Variants in XYLT1 observed in about 807,000 individuals in gnomAD.
XYLT1 encodes beta-D-xylosyltransferase 1.
XYLT1 carries 36 observed loss-of-function variants against 91.3 expected under a neutral mutation model. The observed-to-expected ratio is 0.39, with a 90% confidence interval of 0.30 to 0.52. The LOEUF is 0.52. Ranked by LOEUF, XYLT1 falls within the 20% of genes least tolerant of loss-of-function variation. The pLI is 0.68. For missense variants in XYLT1, 1,242 were observed against 1,284.5 expected (o/e 0.97, Z 0.51); for synonymous variants, 588 against 532.0 (o/e 1.11, Z -1.45).
In XYLT1 at chr16:17,470,439, C is replaced by T. The variant is rs769122570; in HGVS notation, c.358G>A (p.Ala120Thr). 41 of 1,230,548 alleles carry T rather than the reference C, an allele frequency of 3.3e-5. No individual in the cohort carries two copies. Among genetic ancestry groups the T allele is most frequent in the Non-Finnish European group, 2.4e-5 (24 of 986,842 alleles). The allele number at this position is 1,230,548 out of a possible 1,614,324, so 76.2% of individuals were successfully genotyped here. ...GAGCCGAAAGGGCATCTTACCAGAG[C>T]CCGGGCGGGCAGTGCCCCCCGGCTG... is the stretch of plus-strand genomic sequence containing the variant. ...PASRGALPAR[A>T]LDPHPSPLIT... The change falls in exon 1 of 12, where the codon GCT (alanine) becomes ACT (threonine). Residue 120 changes from alanine to threonine, a missense_variant. Ala to Thr is a moderately conservative substitution (Grantham distance 58). Transcript: ENST00000261381.
chr16:17,436,443 C>T (rs543357012), intron 1 of XYLT1, among the ~76,000 whole-genome samples: 1 of 152,178 alleles, frequency 6.6e-6, no homozygotes, highest in South Asian at 2.1e-4. Flanking sequence ...GTGGTCTGAT[C>T]TCAGCACTAC....
intron 11 of XYLT1, among the ~76,000 whole-genome samples, chr16:17,110,093 C>G (rs1966832801): frequency 6.6e-6 from 1 of 152,164 alleles, no homozygotes; most frequent in Admixed American, 6.5e-5. Flanking sequence ...AGCCCCACGT[C>G]CAACATACCA....
chr16:17,359,471 T>TCAGAAATA (rs2035351455), intron 1 of XYLT1, among the ~76,000 whole-genome samples: 2 of 152,196 alleles, frequency 1.3e-5, no homozygotes, highest in South Asian at 4.1e-4. Flanking sequence ...AGGCACGATC[T>TCAGAAATA]CAGAAATACG....
At chr16:17,160,931 C>T (rs564553614) in intron 5 of XYLT1, among the ~76,000 whole-genome samples, 77 of 152,308 alleles carry the variant, frequency 5.1e-4, no homozygotes, top group Admixed American at 4.7e-3. Flanking sequence ...TTACCAACCC[C>T]CTCACCACTC....
At chr16:17,437,003 C>T (rs1177362071) in intron 1 of XYLT1, among the ~76,000 whole-genome samples, 1 of 152,094 alleles carries the variant, frequency 6.6e-6, no homozygotes, top group Non-Finnish European at 1.5e-5. Flanking sequence ...TCCTGGGGGC[C>T]AGACCTGTGC....
At chr16:17,118,767 A>G (rs963762471) in intron 10 of XYLT1, among the ~76,000 whole-genome samples, 2 of 152,064 alleles carry the variant, frequency 1.3e-5, no homozygotes, top group Non-Finnish European at 2.9e-5. Context: ...TAGTGCACTC[A>G]GAGTCTGAGC....
intron 1 of XYLT1, among the ~76,000 whole-genome samples, chr16:17,419,829 T>A (rs1464209384): frequency 6.6e-6 from 1 of 152,144 alleles, no homozygotes; most frequent in African/African-American, 2.4e-5. Context: ...TTGATTTGAG[T>A]ATGGAATGAC....
rs549907863 is a variant in XYLT1 at position 17,451,483 on chromosome 16, C to T, written c.363+18951G>A. On this transcript the variant is annotated intron_variant, in intron 1 of 11. Transcript: ENST00000261381. The stretch of plus-strand genomic sequence containing the variant: ...GCTGCAGGAAGTCAGGGAACGCGTT[C>T]TGTCCACTGCTCCAACCCCAGCTCC... Among the ~76,000 whole-genome samples, 13 of 152,328 alleles carry T rather than the reference C, an allele frequency of 8.5e-5. No homozygotes were observed. In the South Asian group the frequency reaches 2.3e-3, roughly 27 times the overall value.
chr16:17,333,355 TA>T (rs1371851669), intron 2 of XYLT1, among the ~76,000 whole-genome samples: 1 of 152,196 alleles, frequency 6.6e-6, no homozygotes, highest in African/African-American at 2.4e-5. Context: ...GGAGATGTTT[TA>T]TATTCTTTTG....
chr16:17,338,633 T>A (rs1447001062), intron 2 of XYLT1: 2 of 384,258 alleles, frequency 5.2e-6, no homozygotes, highest in Admixed American at 6.3e-5. Flanking sequence ...TTCACCCTTT[T>A]TTTTGGGACG....
intron 2 of XYLT1, among the ~76,000 whole-genome samples, chr16:17,320,446 G>A (rs889396197): frequency 1.1e-4 from 16 of 150,794 alleles, no homozygotes; most frequent in African/African-American, 3.7e-4. Flanking sequence ...GGCATGAGTT[G>A]TGAGTTTCCT....
intron 2 of XYLT1, among the ~76,000 whole-genome samples, chr16:17,354,331 G>A (rs1009554783): frequency 1.3e-5 from 2 of 152,184 alleles, no homozygotes; most frequent in African/African-American, 4.8e-5. Flanking sequence ...AAGCTCTGCT[G>A]TGCTAATGGT....
intron 3 of XYLT1, among the ~76,000 whole-genome samples, chr16:17,203,099 A>T (rs534942647): frequency 6.6e-6 from 1 of 152,320 alleles, no homozygotes; most frequent in South Asian, 2.1e-4. Flanking sequence ...ATTCAAACAC[A>T]GGTCTGATTC....
At chr16:17,166,515 CTTT>C (rs369535545) in intron 5 of XYLT1, among the ~76,000 whole-genome samples, 2 of 144,402 alleles carry the variant, frequency 1.4e-5, no homozygotes, top group African/African-American at 5.0e-5. Context: ...CCATCATTCA[CTTT>C]TTTTTTTTTT....
intron 2 of XYLT1, among the ~76,000 whole-genome samples, chr16:17,283,167 G>A (rs982168021): frequency 6.6e-5 from 10 of 152,206 alleles, no homozygotes; most frequent in Admixed American, 5.9e-4. Context: ...CTGGAAAACT[G>A]ACAGACTGGC....
At chr16:17,157,196 C>A (rs2031428796) in intron 6 of XYLT1, among the ~76,000 whole-genome samples, 1 of 152,116 alleles carries the variant, frequency 6.6e-6, no homozygotes, top group Admixed American at 6.5e-5. Flanking sequence ...GATCCGCCTG[C>A]CTCACCCTCC....
intron 2 of XYLT1, among the ~76,000 whole-genome samples, chr16:17,305,972 C>T (rs972855191): frequency 2.0e-5 from 3 of 152,240 alleles, no homozygotes; most frequent in African/African-American, 7.2e-5. Flanking sequence ...CAGGAAGGGA[C>T]AGTACCCTCT....
chr16:17,356,915 G>A (rs2035302337), intron 2 of XYLT1, among the ~76,000 whole-genome samples: 1 of 152,080 alleles, frequency 6.6e-6, no homozygotes, highest in Non-Finnish European at 1.5e-5. Flanking sequence ...AGTGGCTCAT[G>A]CCTGTAATCC....
Position 17,307,593 on chromosome 16 carries a change from G to A in XYLT1, c.403-48095C>T, listed in dbSNP as rs1274632034. Among the ~76,000 whole-genome samples the A allele has an allele frequency of 5.9e-5, 9 of 152,232 alleles. 1 individual carries two copies. The highest frequency in any genetic ancestry group is 8.8e-5 in the Non-Finnish European group (6 of 68,040). ...CTTATTTCCTGCCTTGAAGAGGCCA[G>A]TAACATCCTGGTACAAGGGGATTCA... On this transcript the variant is annotated intron_variant, in intron 2 of 11. Coordinates refer to ENST00000261381, the MANE Select transcript of XYLT1 (RefSeq NM_022166.4).
Sources: allele counts gnomAD v4.1 joint callset (sites outside exome capture counted in the v4.1 genomes callset), GRCh38; gene constraint gnomAD v4.1.1; transcripts MANE v1.5; gene names NCBI Gene and HGNC (gene_info 2026-07-23, HGNC 2026-07-21).